The following PRR16 variants were observed in gnomAD, a reference collection of about 807,000 sequenced individuals.
PRR16 encodes the protein proline rich 16, also known as protein Largen.
PRR16 carries 6 observed loss-of-function variants against 18.2 expected under a neutral mutation model. The ratio of observed to expected loss-of-function variants is 0.33; its 90% confidence interval spans 0.18 to 0.65. The LOEUF (loss-of-function observed/expected upper bound fraction) is 0.65, where lower values mean the gene tolerates loss of function less well. Ranked by LOEUF, PRR16 falls within the 30% of genes least tolerant of loss-of-function variation. The pLI is 0.74. For synonymous variants in PRR16, 151 were observed against 147.8 expected (o/e 1.02, Z -0.16); for missense variants, 412 against 376.6 (o/e 1.09, Z -0.78).
intron 1 of PRR16, among the ~76,000 whole-genome samples, chr5:120,631,364 A>C (rs1428984657): frequency 1.3e-5 from 2 of 152,104 alleles, no homozygotes; most frequent in Non-Finnish European, 2.9e-5. Flanking sequence ...CTGGATCACC[A>C]CTGCAGGCTC....
At chr5:120,618,587 G>A (rs1754587693) in intron 1 of PRR16, 1 of 914,588 alleles carries the variant, frequency 1.1e-6, no homozygotes, top group Non-Finnish European at 1.3e-6. Flanking sequence ...AGAAGTTATA[G>A]CAAATCACAT....
At chr5:120,508,635 A>G (rs1750722847) in intron 1 of PRR16, among the ~76,000 whole-genome samples, 2 of 152,138 alleles carry the variant, frequency 1.3e-5, no homozygotes, top group South Asian at 4.1e-4. Flanking sequence ...AATCTTCTCC[A>G]GTATATCCAG....
chr5:120,792,670 G>A, the PRR16 span, among the ~76,000 whole-genome samples: 6 of 151,988 alleles, frequency 3.9e-5, no homozygotes, highest in African/African-American at 7.2e-5. Context: ...GTTTACTTAG[G>A]TAAGATAATC....
chr5:120,473,589 TG>T (rs1396277758), intron 1 of PRR16, among the ~76,000 whole-genome samples: 1 of 152,208 alleles, frequency 6.6e-6, no homozygotes, highest in Non-Finnish European at 1.5e-5. Flanking sequence ...AAGCATTGTA[TG>T]TGTGTCTGTC....
chr5:120,754,401 T>TTATACTATATAGTATATATTATA, the PRR16 span, among the ~76,000 whole-genome samples: 2 of 67,212 alleles, frequency 3.0e-5, no homozygotes, highest in Non-Finnish European at 5.0e-5. Context: ...ATGTTATATA[T>TTATACTATATAGTATATATTATA]TATACTATAT....
chr5:120,751,577 C>A, the PRR16 span, among the ~76,000 whole-genome samples: 4 of 151,778 alleles, frequency 2.6e-5, no homozygotes, highest in Non-Finnish European at 5.9e-5. Flanking sequence ...GTTTAAATTC[C>A]TTTTCATAAT....
At chr5:120,714,831 C>G in the PRR16 span, among the ~76,000 whole-genome samples, 1 of 152,126 alleles carries the variant, frequency 6.6e-6, no homozygotes, top group African/African-American at 2.4e-5. Flanking sequence ...AGATCATGTA[C>G]TTTGCAGGGA....
chr5:120,514,614 C>G (rs1750928815), intron 1 of PRR16, among the ~76,000 whole-genome samples: 1 of 152,192 alleles, frequency 6.6e-6, no homozygotes, highest in South Asian at 2.1e-4. Flanking sequence ...TTCTACCTTT[C>G]ACAAAGTCAT....
At chr5:120,465,974 A>G (rs1432418795) in intron 1 of PRR16, among the ~76,000 whole-genome samples, 1 of 151,900 alleles carries the variant, frequency 6.6e-6, no homozygotes, top group East Asian at 1.9e-4. Context: ...TGAACTCTGC[A>G]TTTGTTACCT....
chr5:120,604,996 A>G (rs920726735), intron 1 of PRR16, among the ~76,000 whole-genome samples: 1 of 152,090 alleles, frequency 6.6e-6, no homozygotes, highest in African/African-American at 2.4e-5. Flanking sequence ...TTGACCTTGG[A>G]CAATCTGATG....
chr5:120,780,388 TGGTGGTGA>T, the PRR16 span, among the ~76,000 whole-genome samples: 1 of 152,064 alleles, frequency 6.6e-6, no homozygotes, highest in Non-Finnish European at 1.5e-5. Context: ...TATAAGAAGC[TGGTGGTGA>T]TCTTAACTAA....
At chr5:120,487,507 G>C (rs1392416955) in intron 1 of PRR16, among the ~76,000 whole-genome samples, 2 of 152,164 alleles carry the variant, frequency 1.3e-5, no homozygotes, top group African/African-American at 4.8e-5. Flanking sequence ...TCTATCCTGA[G>C]ACTTTGCTGA....
At chr5:120,787,395 T>A in the PRR16 span, among the ~76,000 whole-genome samples, 57 of 152,272 alleles carry the variant, frequency 3.7e-4, no homozygotes, top group African/African-American at 1.3e-3. Flanking sequence ...TAACAAATCT[T>A]CAAAATTCAG....
chr5:120,651,615 G>A (rs2150131904), intron 1 of PRR16, among the ~76,000 whole-genome samples: 1 of 152,174 alleles, frequency 6.6e-6, no homozygotes, highest in African/African-American at 2.4e-5. Flanking sequence ...TTTTTGTCAG[G>A]TTTGTCAAAG....
chr5:120,699,451 G>T, the PRR16 span, among the ~76,000 whole-genome samples: 2 of 152,148 alleles, frequency 1.3e-5, no homozygotes, highest in Admixed American at 6.5e-5. Context: ...TGTGGTATCA[G>T]TAATAATGTG....
the PRR16 span, among the ~76,000 whole-genome samples, chr5:120,708,557 A>C: frequency 1.3e-4 from 20 of 152,338 alleles, no homozygotes; most frequent in African/African-American, 4.8e-4. Flanking sequence ...GGAAAAGCTA[A>C]AAATTTTATT....
At chr5:120,727,537 T>C in the PRR16 span, among the ~76,000 whole-genome samples, 1 of 152,276 alleles carries the variant, frequency 6.6e-6, no homozygotes, top group South Asian at 2.1e-4. Context: ...GATACCCATT[T>C]TAGAAAGCCA....
chr5:120,777,334 T>C, the PRR16 span, among the ~76,000 whole-genome samples: 1 of 152,108 alleles, frequency 6.6e-6, no homozygotes, highest in Non-Finnish European at 1.5e-5. Context: ...ATTACTTAAC[T>C]TTTTCTAAAA....
At chr5:120,549,244 T>G (rs1344574512) in intron 1 of PRR16, among the ~76,000 whole-genome samples, 1 of 151,982 alleles carries the variant, frequency 6.6e-6, no homozygotes, top group Non-Finnish European at 1.5e-5. Flanking sequence ...TATGTGTGTG[T>G]GTCACTTCAC....
Sources: gnomAD v4.1 joint callset for allele counts (sites outside exome capture counted in the v4.1 genomes callset) on GRCh38, gnomAD v4.1.1 for gene constraint, MANE v1.5 for transcripts, NCBI Gene and HGNC (gene_info 2026-07-23, HGNC 2026-07-21) for gene names.